Variants in ABCD3 observed in about 807,000 individuals in gnomAD.
The protein encoded by ABCD3 is ATP-binding cassette sub-family D member 3.
Under a neutral mutation model 105.5 loss-of-function variants are expected in ABCD3, and 41 were observed. The ratio of observed to expected loss-of-function variants is 0.39; its 90% CI spans 0.30 to 0.50. ABCD3 has a LOEUF of 0.50. Among genes scored for constraint, ABCD3 ranks in the 20% least tolerant of loss-of-function variants. The probability of loss-of-function intolerance (pLI) is 0.84; values close to 1 mark genes in which losing one functional copy is unlikely to be tolerated. For missense variants in ABCD3, 622 were observed against 806.3 expected, an observed-to-expected ratio of 0.77 and a Z score of 2.77; for synonymous variants, 258 against 269.0, an observed-to-expected ratio of 0.96 and a Z score of 0.40.
chr1:94,426,709 A>T (rs920960429), intron 1 of ABCD3, among the ~76,000 whole-genome samples: 1 of 151,676 alleles, frequency 6.6e-6, no homozygotes, highest in Non-Finnish European at 1.5e-5. Flanking sequence ...CACCCAGCTA[A>T]TTTTTTTGTA....
chr1:94,490,037 CT>C, intron 15 of ABCD3, 62 bp downstream of exon 15: 2 of 1,436,196 alleles, frequency 1.4e-6, no homozygotes, highest in East Asian at 4.6e-5. Context: ...AGTAGTCTTT[CT>C]TTTTCAGCTT....
chr1:94,503,049 G>A (rs183945773), intron 20 of ABCD3, among the ~76,000 whole-genome samples: 4 of 152,156 alleles, frequency 2.6e-5, no homozygotes, highest in Non-Finnish European at 4.4e-5. Flanking sequence ...AGATTTTTTT[G>A]TGTGTGTAAT....
At chr1:94,478,456 T>A in intron 8 of ABCD3, 141 bp downstream of exon 8, 1 of 1,251,132 alleles carries the variant, frequency 8.0e-7, no homozygotes, top group Non-Finnish European at 1.1e-6. Flanking sequence ...CAAAGTCTGG[T>A]TATAAAATAA....
chr1:94,460,882 A>G (rs981180314), intron 2 of ABCD3, among the ~76,000 whole-genome samples: 3 of 152,256 alleles, frequency 2.0e-5, no homozygotes, highest in South Asian at 2.1e-4. Context: ...GAGTAATCAA[A>G]TGTTAGTTAT....
chr1:94,491,365 T>G, intron 16 of ABCD3, 118 bp downstream of exon 16: 1 of 775,890 alleles, frequency 1.3e-6, no homozygotes, highest in Non-Finnish European at 2.1e-6. Context: ...ATCCACAGAA[T>G]TGCTTTAAAA....
chr1:94,510,771 T>C (rs1469140619), intron 21 of ABCD3, among the ~76,000 whole-genome samples: 1 of 152,172 alleles, frequency 6.6e-6, no homozygotes, highest in Non-Finnish European at 1.5e-5. Flanking sequence ...TTTTGATCTT[T>C]GTTGGTTTAA....
In ABCD3 at chr1:94,489,799, T is replaced by C. The variant is rs764800464; in HGVS notation, c.1232T>C (p.Val411Ala). The part of the protein sequence containing the change: ...LNHGKYERTM[V>A]SQQEKGIEGV... ...CATGGCAAATATGAGCGCACAATGG[T>C]CTCACAACAGGAAAAGGGTAAATAT... The change falls in exon 14 of 23, where the codon GTC becomes GCC. Residue 411 changes from valine (V) to alanine (A), a missense_variant. Coordinates refer to ENST00000370214, the MANE Select transcript of ABCD3 (RefSeq NM_002858.4). The C allele has an allele frequency of 8.1e-6, 13 of 1,613,164 alleles. No homozygotes were observed. The highest frequency in any genetic ancestry group is 1.7e-5 in the Admixed American group (1 of 59,932).
chr1:94,414,778 C>T (rs990825518), upstream of ABCD3, among the ~76,000 whole-genome samples: 22 of 152,200 alleles, frequency 1.4e-4, no homozygotes, highest in African/African-American at 5.3e-4. Context: ...GTTGTATCTT[C>T]TTCGGAATCC....
At chr1:94,450,786 G>A (rs1337902791) in intron 1 of ABCD3, among the ~76,000 whole-genome samples, 2 of 152,052 alleles carry the variant, frequency 1.3e-5, no homozygotes, top group Non-Finnish European at 2.9e-5. Flanking sequence ...AGCTAATCTC[G>A]GCAATTTTTA....
At chr1:94,463,243 G>C (rs746077228) in intron 2 of ABCD3, among the ~76,000 whole-genome samples, 3 of 152,158 alleles carry the variant, frequency 2.0e-5, no homozygotes, top group African/African-American at 7.2e-5. Flanking sequence ...TTCTTTTCCA[G>C]TTCCTCCTAT....
chr1:94,446,823 A>G (rs377441978), intron 1 of ABCD3, among the ~76,000 whole-genome samples: 43 of 152,326 alleles, frequency 2.8e-4, no homozygotes, highest in African/African-American at 1.0e-3. Context: ...TATATTTTGC[A>G]TTATGAAGGA....
intron 1 of ABCD3, among the ~76,000 whole-genome samples, chr1:94,443,989 G>A (rs1465352928): frequency 3.3e-5 from 5 of 151,948 alleles, no homozygotes; most frequent in Non-Finnish European, 7.4e-5. Context: ...TTTTAGTGTA[G>A]TTTTCTCTCA....
upstream of ABCD3, among the ~76,000 whole-genome samples, chr1:94,414,458 T>C (rs1314027225): frequency 1.3e-5 from 2 of 152,176 alleles, no homozygotes; most frequent in Non-Finnish European, 2.9e-5. Flanking sequence ...TTACCTAGAC[T>C]ATTTCATGTG....
At chr1:94,513,761 A>T (rs1026481404) in intron 21 of ABCD3, 7 of 152,060 alleles carry the variant, frequency 4.6e-5, no homozygotes, top group Non-Finnish European at 1.0e-4. Context: ...GAATGTGTGC[A>T]TTAAGTAGAT....
At chr1:94,465,330 C>T (rs1316989377) in intron 3 of ABCD3, among the ~76,000 whole-genome samples, 1 of 152,112 alleles carries the variant, frequency 6.6e-6, no homozygotes, top group African/African-American at 2.4e-5. Flanking sequence ...AAGATTAGAA[C>T]AGTAAAATCA....
chr1:94,503,725 T>C (rs2101050083), intron 20 of ABCD3, among the ~76,000 whole-genome samples: 1 of 152,208 alleles, frequency 6.6e-6, no homozygotes, highest in East Asian at 1.9e-4. Context: ...AGTCATTCAT[T>C]TATTAGATAG....
the ABCD3 span, among the ~76,000 whole-genome samples, chr1:94,394,874 C>T: frequency 6.6e-6 from 1 of 152,224 alleles, no homozygotes; most frequent in Non-Finnish European, 1.5e-5. Flanking sequence ...CATTTCCAAT[C>T]AGGCTCTGTG....
At chr1:94,505,862 A>G (rs935971860) in intron 20 of ABCD3, among the ~76,000 whole-genome samples, 1 of 152,124 alleles carries the variant, frequency 6.6e-6, no homozygotes, top group Non-Finnish European at 1.5e-5. Context: ...GGTCTTAAAC[A>G]TGGAGATCTT....
At chr1:94,435,557 T>C (rs1283916488) in intron 1 of ABCD3, among the ~76,000 whole-genome samples, 2 of 152,200 alleles carry the variant, frequency 1.3e-5, no homozygotes, top group East Asian at 3.9e-4. Context: ...TAGTGTCTAG[T>C]TTTCTCTCTT....
Sources: gnomAD v4.1 joint callset for allele counts (sites outside exome capture counted in the v4.1 genomes callset) on GRCh38, gnomAD v4.1.1 for gene constraint, MANE v1.5 for transcripts, NCBI Gene and HGNC (gene_info 2026-07-23, HGNC 2026-07-21) for gene names.